DAB2IP: variants seen among roughly 807,000 people sequenced by gnomAD.
The protein encoded by DAB2IP is DAB2 interacting protein.
DAB2IP carries 28 observed loss-of-function variants against 107.2 expected under a neutral mutation model. The ratio of observed to expected loss-of-function variants is 0.26; its 90% CI spans 0.19 to 0.36. The LOEUF (loss-of-function observed/expected upper bound fraction) is 0.36, where lower values mean the gene tolerates loss of function less well. DAB2IP is among the 10% of genes least tolerant of loss of function. DAB2IP has a pLI of 1.00. For missense variants in DAB2IP, 1,400 were observed against 1,644.7 expected, an observed-to-expected ratio of 0.85 and a Z score of 2.57; for synonymous variants, 755 against 706.4, an observed-to-expected ratio of 1.07 and a Z score of -1.09.
chr9:121,737,100 T>C (rs531965404), intron 3 of DAB2IP: 1 of 821,998 alleles, frequency 1.2e-6, no homozygotes, highest in African/African-American at 1.8e-5. Context: ...TGGGGCAGGA[T>C]ATGACCTTGG....
rs565288987 is a variant in DAB2IP, at chr9:121,701,478, T to C, written c.362+2020T>C. Among the ~76,000 whole-genome samples the C allele has an allele frequency of 6.6e-6, 1 of 152,288 alleles. No individual in the cohort carries two copies. The highest frequency in any genetic ancestry group is 6.5e-5 in the Admixed American group (1 of 15,302). On this transcript the variant is annotated intron_variant, in intron 3 of 15. Coordinates refer to ENST00000408936, the Ensembl canonical transcript of DAB2IP. This position sits in a 1 kb window ranked among gnomAD's most constrained non-coding sequence, Gnocchi z 4.7. ...TGTCACTGGCAGCGGTGTGGAATTG[T>C]CTTATTAATTTTCTATAAACAAAAT...
intron 1 of DAB2IP, among the ~76,000 whole-genome samples, chr9:121,583,110 G>A (rs888771798): frequency 3.9e-5 from 6 of 152,336 alleles, no homozygotes; most frequent in African/African-American, 1.2e-4. Flanking sequence ...GAAGCTGGCC[G>A]GCCGCGGTGG....
chr9:121,649,068 C>G (rs562264392), upstream of DAB2IP, among the ~76,000 whole-genome samples: 4 of 152,276 alleles, frequency 2.6e-5, no homozygotes, highest in East Asian at 1.9e-4. Context: ...GGAGCCTGGG[C>G]TCTTTCTCTC....
At chr9:121,645,908 T>G (rs923905813) in intron 1 of DAB2IP, among the ~76,000 whole-genome samples, 8 of 152,182 alleles carry the variant, frequency 5.3e-5, no homozygotes, top group African/African-American at 1.9e-4. Flanking sequence ...TGATGGAATC[T>G]CTGGGAGGTG....
intron 3 of DAB2IP, among the ~76,000 whole-genome samples, chr9:121,716,863 G>T (rs984915286): frequency 1.3e-5 from 2 of 152,208 alleles, no homozygotes; most frequent in African/African-American, 4.8e-5. Flanking sequence ...CACTCTTCCC[G>T]CTAAGTCAAA....
chr9:121,767,796 C>T lies in DAB2IP; in HGVS notation c.1698-636C>T, dbSNP rs770888239. 1.7e-4 allele frequency among the ~76,000 whole-genome samples: 26 copies of T among 152,220 alleles called. 1 individual carries two copies. Among genetic ancestry groups the T allele is most frequent in the Non-Finnish European group, 2.8e-4 (19 of 68,012 alleles). ...GTTCCAGCAACAATAGCAGAAAATTCGCAGGGAGGGGAGCGGGTACAGGAG... is the reference window on the plus strand; with the variant it reads ...GTTCCAGCAACAATAGCAGAAAATTTGCAGGGAGGGGAGCGGGTACAGGAG... On this transcript the variant is annotated intron_variant, in intron 9 of 15. Coordinates refer to ENST00000408936, the Ensembl canonical transcript of DAB2IP.
Position 121,763,888 on chromosome 9 carries a change from G to A in DAB2IP, c.1460+9G>A, listed in dbSNP as rs758422484. 37 of 1,612,762 alleles carry A rather than the reference G, an allele frequency of 2.3e-5. No individual in the cohort carries two copies. The highest frequency in any genetic ancestry group is 1.3e-4 in the South Asian group (12 of 90,954). On this transcript the variant is annotated intron_variant, in intron 8 of 15. Coordinates refer to ENST00000408936, the Ensembl canonical transcript of DAB2IP. Reference sequence around the variant, plus strand: ...ATCATCAACTCCTACTGGTCAGTGCGGTGCCCAGGTCTCCCCACCCTGTCG... The same window carrying A: ...ATCATCAACTCCTACTGGTCAGTGCAGTGCCCAGGTCTCCCCACCCTGTCG...
chr9:121,738,484 T>A (rs1238481686), intron 3 of DAB2IP, among the ~76,000 whole-genome samples: 1 of 152,076 alleles, frequency 6.6e-6, no homozygotes, highest in Non-Finnish European at 1.5e-5. Context: ...AAAACACAAA[T>A]GTGTTTTCCT....
At chr9:121,715,176 T>A (rs973418611) in intron 3 of DAB2IP, among the ~76,000 whole-genome samples, 3 of 152,010 alleles carry the variant, frequency 2.0e-5, no homozygotes, top group African/African-American at 7.3e-5. Flanking sequence ...ACCTTGCTCC[T>A]GCAGGGCAGG....
chr9:121,757,297 A>AGGCTCTTGG, intron 4 of DAB2IP, 131 bp downstream of exon 4: 2 of 1,224,274 alleles, frequency 1.6e-6, no homozygotes, highest in African/African-American at 3.1e-5. Flanking sequence ...GACAGTGGCT[A>AGGCTCTTGG]GTAGTTACCG....
At chr9:121,693,048 C>T (rs1448946446) in intron 2 of DAB2IP, among the ~76,000 whole-genome samples, 3 of 152,214 alleles carry the variant, frequency 2.0e-5, no homozygotes, top group Non-Finnish European at 4.4e-5. Context: ...ATCACCCAGT[C>T]TAGCCCCTAG....
At chr9:121,588,107 A>T (rs1013590729) in intron 1 of DAB2IP, among the ~76,000 whole-genome samples, 1 of 152,104 alleles carries the variant, frequency 6.6e-6, no homozygotes, top group African/African-American at 2.4e-5. Flanking sequence ...CACTACGGTG[A>T]TTACTTTCTT....
At chr9:121,781,495 G>C in exon 15 of DAB2IP, 1 of 1,614,016 alleles carries the variant, frequency 6.2e-7, no homozygotes, top group African/African-American at 1.3e-5. Flanking sequence ...ACTGAAGAAG[G>C]ACCACGCAGA....
At chr9:121,763,975 T>C in intron 8 of DAB2IP, 96 bp downstream of exon 8, 2 of 1,524,048 alleles carry the variant, frequency 1.3e-6, no homozygotes, top group Non-Finnish European at 8.9e-7. Flanking sequence ...GCCTGGCCCC[T>C]GAGTTGTACT....
chr9:121,766,717 G>T (rs1389421641), exon 9 of DAB2IP: 1 of 1,613,946 alleles, frequency 6.2e-7, no homozygotes, highest in Non-Finnish European at 8.5e-7. Context: ...CCAGAACCTG[G>T]CCAACTTTGC....
upstream of DAB2IP, among the ~76,000 whole-genome samples, chr9:121,650,337 C>G (rs969800703): frequency 1.3e-5 from 2 of 152,160 alleles, no homozygotes; most frequent in South Asian, 2.1e-4. Context: ...AGACAGGCTC[C>G]GCAGGACTAG....
At chr9:121,641,249 G>C (rs1454389272) in intron 1 of DAB2IP, among the ~76,000 whole-genome samples, 1 of 152,236 alleles carries the variant, frequency 6.6e-6, no homozygotes, top group Non-Finnish European at 1.5e-5. Context: ...GGGCAGAGCT[G>C]GGATTGTTCT....
rs565466914 is a variant in DAB2IP at position 121,772,933 on chromosome 9, G to A, written c.2405G>A (p.Arg802Gln). The A allele has an allele frequency of 3.8e-5, 60 of 1,561,556 alleles. No homozygotes were observed. Among genetic ancestry groups the A allele is most frequent in the Admixed American group, 1.6e-4 (9 of 56,188 alleles). The change falls in exon 12 of 16, where the codon CGG becomes CAG. Residue 802 changes from arginine to glutamine, a missense_variant. Transcript: ENST00000408936. This position sits in a 1 kb window ranked among gnomAD's most constrained non-coding sequence, Gnocchi z 4.7. ...CTGGCAGGGCTGGCCACGGTGCGGCGGGCAGGCCAGACACCAACCACACCA... is the reference window on the plus strand; with the variant it reads ...CTGGCAGGGCTGGCCACGGTGCGGCAGGCAGGCCAGACACCAACCACACCA...
In DAB2IP at chr9:121,776,102, G is replaced by C; in HGVS notation, c.3121-96G>C. On this transcript the variant is annotated intron_variant, in intron 13 of 15. Coordinates refer to ENST00000408936, the Ensembl canonical transcript of DAB2IP. The surrounding 1 kb of genome is among the most constrained non-coding windows in gnomAD (Gnocchi z 5.4). ...GGTCACAGCCACTGGGGCCTTTCAAGTGGGGCTCCCTCCTACCCTTCCTCC... is the reference window on the plus strand; with the variant it reads ...GGTCACAGCCACTGGGGCCTTTCAACTGGGGCTCCCTCCTACCCTTCCTCC... 7.0e-7 allele frequency: 1 copy of C among 1,428,548 alleles called. No homozygotes were observed. The highest frequency in any genetic ancestry group is 9.4e-7 in the Non-Finnish European group (1 of 1,061,444). 88.5% of individuals were successfully genotyped at this position (1,428,548 alleles called of 1,614,324 possible). A position where few individuals can be genotyped will look rare whatever the true frequency, so the allele number is the denominator to read the frequency against.
Sources: gnomAD v4.1 joint callset for allele counts (sites outside exome capture counted in the v4.1 genomes callset) on GRCh38, gnomAD v4.1.1 for gene constraint, Gnocchi (gnomAD v3.1) non-coding constraint, MANE v1.5 for transcripts, NCBI Gene and HGNC (gene_info 2026-07-23, HGNC 2026-07-21) for gene names.